NIPAL2: variants seen among roughly 807,000 people sequenced by gnomAD.
NIPAL2 encodes the protein NIPA-like protein 2.
Under a neutral mutation model 48.9 loss-of-function variants are expected in NIPAL2, and 43 were observed. That is an observed-to-expected ratio of 0.88 (90% CI 0.69 to 1.13). The LOEUF is 1.13. Among genes scored for constraint, NIPAL2 ranks in the 50% most tolerant of loss-of-function variants. The pLI, the probability that NIPAL2 is intolerant of heterozygous loss-of-function variation, is 0.00. For synonymous variants in NIPAL2, 167 were observed against 174.6 expected (o/e 0.96, Z 0.34); for missense variants, 446 against 461.4 (o/e 0.97, Z 0.31).
rs895715136 is a variant in NIPAL2 at position 98,194,903 on chromosome 8, A to C, written c.945-81T>G. ...TAAATAACTGAGCTCCATATTCTAC[A>C]TGATGACATAAATCCCATTGGTTTT... On this transcript the variant is annotated intron_variant, in intron 9 of 10. Transcript: ENST00000430223. 19 of 740,042 alleles carry C rather than the reference A, an allele frequency of 2.6e-5. No homozygotes were observed. In the African/African-American group the frequency reaches 2.9e-4, roughly 11 times the overall value. 45.8% of individuals were successfully genotyped at this position (740,042 alleles called of 1,614,324 possible). A position where few individuals can be genotyped will look rare whatever the true frequency, so the allele number is the denominator to read the frequency against.
At chr8:98,280,792 A>AGAGAGAGAGAG (rs1815783724) in intron 1 of NIPAL2, among the ~76,000 whole-genome samples, 9 of 139,500 alleles carry the variant, frequency 6.5e-5, no homozygotes, top group African/African-American at 1.1e-4. Flanking sequence ...AGAGAGAGAG[A>AGAGAGAGAGAG]AAGCGAGAGA....
chr8:98,210,341 G>T (rs1353537874), intron 6 of NIPAL2, among the ~76,000 whole-genome samples: 2 of 152,132 alleles, frequency 1.3e-5, no homozygotes, highest in Admixed American at 6.5e-5. Flanking sequence ...ATTAAATCTT[G>T]GTTTGTACTT....
At chr8:98,280,755 T>TAGAG (rs1364661957) in intron 1 of NIPAL2, among the ~76,000 whole-genome samples, 35 of 32,292 alleles carry the variant, frequency 1.1e-3, no homozygotes, top group South Asian at 2.0e-3. Flanking sequence ...TATATATATA[T>TAGAG]ATATATAGAG....
intron 4 of NIPAL2, among the ~76,000 whole-genome samples, chr8:98,223,219 T>A (rs79711063): frequency 0.011 from 1,644 of 152,228 alleles, 26 homozygotes; most frequent in African/African-American, 0.037. Context: ...ATCTAGAATA[T>A]AGAATTCCAA....
rs367953086 is a variant in NIPAL2 at position 98,209,363 on chromosome 8, C to T, written c.655+3042G>A. Among the ~76,000 whole-genome samples, 62 of 142,956 alleles carry T rather than the reference C, an allele frequency of 4.3e-4. No individual in the cohort carries two copies. The East Asian group carries it at 7.7e-3, about 18-fold the overall frequency. 93.8% of individuals were successfully genotyped at this position (142,956 alleles called of 152,430 possible). On this transcript the variant is annotated intron_variant, in intron 6 of 10. Coordinates refer to ENST00000430223, the MANE Select transcript of NIPAL2 (RefSeq NM_001321635.2). ...GTGGCCCATGCCTGTAATCCTAGCA[C>T]TTTGGGAAGGTGAGGCAGGAGGATT...
intron 8 of NIPAL2, among the ~76,000 whole-genome samples, chr8:98,197,255 C>T (rs1810593505): frequency 6.6e-6 from 1 of 152,124 alleles, no homozygotes; most frequent in Non-Finnish European, 1.5e-5. Flanking sequence ...GTTATGTTTA[C>T]ACTGTACTGT....
intron 3 of NIPAL2, among the ~76,000 whole-genome samples, chr8:98,246,567 T>C (rs1016688160): frequency 2.6e-5 from 4 of 152,222 alleles, no homozygotes; most frequent in African/African-American, 9.6e-5. Flanking sequence ...AATCTATTTA[T>C]TACTCATTTC....
At chr8:98,270,409 T>A (rs1815059148) in intron 1 of NIPAL2, among the ~76,000 whole-genome samples, 1 of 152,198 alleles carries the variant, frequency 6.6e-6, no homozygotes, top group South Asian at 2.1e-4. Context: ...TCATTGTGGT[T>A]TTCATTTGCA....
intron 1 of NIPAL2, among the ~76,000 whole-genome samples, chr8:98,271,546 A>G (rs1815127605): frequency 1.3e-5 from 2 of 151,966 alleles, no homozygotes; most frequent in Non-Finnish European, 1.5e-5. Flanking sequence ...TGAATTTTGT[A>G]TCTGGAAACT....
At chr8:98,234,959 A>T (rs542173766) in intron 4 of NIPAL2, among the ~76,000 whole-genome samples, 1 of 152,366 alleles carries the variant, frequency 6.6e-6, no homozygotes, top group African/African-American at 2.4e-5. Flanking sequence ...GATAGAATCC[A>T]CATATGAATG....
chr8:98,206,514 C>T (rs536099580), intron 6 of NIPAL2, among the ~76,000 whole-genome samples: 96 of 152,048 alleles, frequency 6.3e-4, no homozygotes, highest in Middle Eastern at 6.8e-3. Context: ...TGGCCGGGCG[C>T]GGTGGCTCAC....
intron 5 of NIPAL2, among the ~76,000 whole-genome samples, chr8:98,214,725 C>T (rs576111090): frequency 6.6e-5 from 10 of 152,222 alleles, no homozygotes; most frequent in African/African-American, 2.4e-4. Context: ...ACAGCAGGCC[C>T]TTATCTTCCT....
intron 10 of NIPAL2, chr8:98,193,425 G>T (rs200309381): frequency 1.9e-6 from 3 of 1,613,832 alleles, no homozygotes; most frequent in African/African-American, 2.7e-5. Context: ...TCTTTTCCAC[G>T]TCGAATGCAT....
intron 3 of NIPAL2, among the ~76,000 whole-genome samples, chr8:98,242,582 T>G (rs1227591704): frequency 1.3e-5 from 2 of 150,184 alleles, no homozygotes; most frequent in African/African-American, 4.9e-5. Context: ...GCTTCCCAAG[T>G]TCGAGCGATT....
intron 6 of NIPAL2, among the ~76,000 whole-genome samples, chr8:98,211,733 A>AGTGTGTGTGTGT (rs1156409051): frequency 0.034 from 3,677 of 109,084 alleles, 156 homozygotes; most frequent in African/African-American, 0.071. Context: ...AGAGAGAGAA[A>AGTGTGTGTGTGT]GTGTGTGTGT....
intron 5 of NIPAL2, among the ~76,000 whole-genome samples, chr8:98,219,571 C>T (rs992534672): frequency 2.6e-5 from 4 of 152,150 alleles, no homozygotes; most frequent in Admixed American, 6.5e-5. Context: ...GAATTTACTT[C>T]CCCAGACTTC....
At chr8:98,246,810 C>T (rs1048443018) in intron 3 of NIPAL2, among the ~76,000 whole-genome samples, 3 of 152,184 alleles carry the variant, frequency 2.0e-5, no homozygotes, top group Admixed American at 6.5e-5. Flanking sequence ...TTCTATTTCT[C>T]CCTCCCTCCC....
At chr8:98,263,755 G>A in intron 1 of NIPAL2, among the ~76,000 whole-genome samples, 1 of 109,854 alleles carries the variant, frequency 9.1e-6, no homozygotes, top group Non-Finnish European at 1.8e-5. Context: ...TAGAAAAAGA[G>A]GGAATCCTCC....
intron 8 of NIPAL2, among the ~76,000 whole-genome samples, chr8:98,196,905 G>A (rs1364590347): frequency 6.6e-6 from 1 of 152,170 alleles, no homozygotes; most frequent in Non-Finnish European, 1.5e-5. Context: ...CTTACAGGAA[G>A]AAGCCATGTC....
Sources: allele counts gnomAD v4.1 joint callset (sites outside exome capture counted in the v4.1 genomes callset), GRCh38; gene constraint gnomAD v4.1.1; transcripts MANE v1.5; gene names NCBI Gene and HGNC (gene_info 2026-07-23, HGNC 2026-07-21).